The following FAM222B variants were observed in gnomAD, a reference collection of about 807,000 sequenced individuals.
FAM222B encodes protein FAM222B.
In FAM222B, 12 loss-of-function variants were observed where a neutral mutation model predicts 38.0. The ratio of observed to expected loss-of-function variants is 0.32; its 90% CI spans 0.20 to 0.51. The LOEUF (loss-of-function observed/expected upper bound fraction) is 0.51, where lower values mean the gene tolerates loss of function less well. Ranked by LOEUF, FAM222B falls within the 20% of genes least tolerant of loss-of-function variation. The pLI is 0.97. For missense variants in FAM222B, 716 were observed against 754.2 expected, an observed-to-expected ratio of 0.95 and a Z score of 0.59; for synonymous variants, 329 against 317.2, an observed-to-expected ratio of 1.04 and a Z score of -0.40.
chr17:28,782,214 C>T (rs1447444470), intron 1 of FAM222B, among the ~76,000 whole-genome samples: 1 of 151,994 alleles, frequency 6.6e-6, no homozygotes, highest in Non-Finnish European at 1.5e-5. Context: ...CCCAGCTGCT[C>T]GGGAGGCTAA....
At chr17:28,793,432 C>T (rs2036793161) in intron 1 of FAM222B, among the ~76,000 whole-genome samples, 1 of 152,198 alleles carries the variant, frequency 6.6e-6, no homozygotes, top group Non-Finnish European at 1.5e-5. Context: ...TCTCCAACTT[C>T]CTGAAAAGTA....
rs370675163 is a variant in FAM222B, at chr17:28,759,170, C to T, written c.789G>A (p.Pro263=). 5 of 1,612,706 alleles carry T rather than the reference C, an allele frequency of 3.1e-6. No individual in the cohort carries two copies. Among genetic ancestry groups the T allele is most frequent in the East Asian group, 2.2e-5 (1 of 44,834 alleles). Residue 263 remains proline, a synonymous_variant, in exon 3 of 3, where the codon CCG becomes CCA. Coordinates refer to ENST00000581407, the MANE Select transcript of FAM222B (RefSeq NM_001077498.3). This position sits in a 1 kb window ranked among gnomAD's most constrained non-coding sequence, Gnocchi z 4.8. ...TCTGGTGCACGATGCTACTCAGGTC[C>T]GGAGGCTGGCTGTGCTGCAGAGTGG... ...MAATLQHSQP[P]DLSSIVHQIN... is the part of the protein sequence containing the mutation.
At chr17:28,764,344 A>AGGC (rs1444782084) in intron 2 of FAM222B, among the ~76,000 whole-genome samples, 1 of 150,734 alleles carries the variant, frequency 6.6e-6, no homozygotes, top group East Asian at 1.9e-4. Context: ...CAGGAGACTG[A>AGGC]GGCGGGAGAA....
chr17:28,841,833 G>A (rs1011635660), intron 1 of FAM222B, among the ~76,000 whole-genome samples: 3 of 152,180 alleles, frequency 2.0e-5, no homozygotes, highest in Admixed American at 1.3e-4. Flanking sequence ...TTTTCCTACA[G>A]AAGTCTGATG....
In FAM222B at chr17:28,758,123, C is replaced by T. The variant is rs927612567; in HGVS notation, c.*147G>A. ...AGGACGAGAGGACCCCTTCTGTCCC[C>T]ACTTAGATCCCACCAAATTCCCTTT... is the stretch of plus-strand genomic sequence containing the variant. On this transcript the variant is annotated 3_prime_UTR_variant, in exon 3 of 3. Transcript: ENST00000581407. 7 of 744,150 alleles carry T rather than the reference C, an allele frequency of 9.4e-6. No homozygotes were observed. Among genetic ancestry groups the T allele is most frequent in the Non-Finnish European group, 1.5e-5 (7 of 473,984 alleles). 46.1% of individuals were successfully genotyped at this position (744,150 alleles called of 1,614,324 possible).
intron 1 of FAM222B, chr17:28,849,072 TAACATGGTG>T (rs1329281953): frequency 1.3e-5 from 2 of 151,960 alleles, no homozygotes; most frequent in Non-Finnish European, 2.9e-5. Flanking sequence ...CCATCCTGGC[TAACATGGTG>T]AAATCTCGTC....
At chr17:28,783,838 G>T (rs1341273529) in intron 1 of FAM222B, among the ~76,000 whole-genome samples, 2 of 151,620 alleles carry the variant, frequency 1.3e-5, no homozygotes, top group Non-Finnish European at 2.9e-5. Context: ...TCACTCTCTT[G>T]CCCTGGCTGT....
intron 1 of FAM222B, among the ~76,000 whole-genome samples, chr17:28,822,593 T>G (rs911538836): frequency 6.7e-6 from 1 of 149,240 alleles, no homozygotes; most frequent in Non-Finnish European, 1.5e-5. Flanking sequence ...ACCATTGCAC[T>G]CCAGCCTGGG....
intron 1 of FAM222B, among the ~76,000 whole-genome samples, chr17:28,821,790 C>T (rs1156567534): frequency 6.6e-6 from 1 of 151,748 alleles, no homozygotes; most frequent in Non-Finnish European, 1.5e-5. Context: ...GGTGAAACCC[C>T]ATCTCTACTA....
intron 1 of FAM222B, among the ~76,000 whole-genome samples, chr17:28,837,133 A>G (rs2038870730): frequency 6.6e-6 from 1 of 151,538 alleles, no homozygotes; most frequent in Admixed American, 6.6e-5. Context: ...TAAATAAATA[A>G]ATACATAAAT....
intron 1 of FAM222B, among the ~76,000 whole-genome samples, chr17:28,827,219 C>T (rs754070044): frequency 2.6e-5 from 4 of 151,876 alleles, no homozygotes; most frequent in African/African-American, 9.7e-5. Flanking sequence ...TTAACTTGCA[C>T]GCTGGCTTGC....
chr17:28,760,739 A>G (rs1214395792), intron 2 of FAM222B, among the ~76,000 whole-genome samples: 1 of 152,200 alleles, frequency 6.6e-6, no homozygotes, highest in Non-Finnish European at 1.5e-5. Flanking sequence ...GCAGGGACCA[A>G]TGAGGGATCA....
At chr17:28,772,515 G>C (rs2151807398) in intron 1 of FAM222B, among the ~76,000 whole-genome samples, 2 of 138,986 alleles carry the variant, frequency 1.4e-5, no homozygotes. Flanking sequence ...ACGAGGTCAA[G>C]AGATCGAGAC....
intron 1 of FAM222B, among the ~76,000 whole-genome samples, chr17:28,853,231 C>T (rs549542443): frequency 3.3e-5 from 5 of 149,998 alleles, no homozygotes; most frequent in South Asian, 2.1e-4. Flanking sequence ...GGCATGGCAG[C>T]GGCAGGTCTG....
Position 28,766,612 on chromosome 17 carries a change from G to T in FAM222B, c.56C>A (p.Thr19Lys). The T allele has an allele frequency of 1.9e-6, 3 of 1,605,174 alleles. No homozygotes were observed. Among genetic ancestry groups the T allele is most frequent in the Non-Finnish European group, 2.6e-6 (3 of 1,175,720 alleles). ...GDLSFQLLSHTQMNTGLQKWD... is the reference protein window; with the variant it reads ...GDLSFQLLSHKQMNTGLQKWD... ...TTTCTGAAGTCCAGTGTTCATCTGC[G>T]TGTGAGAAAGAAGCTGAAAGGACAG... The change falls in exon 2 of 3, where the codon ACG (threonine) becomes AAG (lysine). Residue 19 changes from threonine (T) to lysine (K), a missense_variant. Transcript: ENST00000581407.
Position 28,759,552 on chromosome 17 carries a change from T to C in FAM222B, c.407A>G (p.Tyr136Cys), listed in dbSNP as rs771335348. ...EAIMNPPVAP[Y>C]ATVAPSTLAH... ...TAAAGTGCTGGGTGCCACAGTAGCA[T>C]AGGGTGCCACTGGGGGGTTCATGAT... The change falls in exon 3 of 3, where the codon TAT (tyrosine) becomes TGT (cysteine). Residue 136 changes from tyrosine to cysteine, a missense_variant. Tyr to Cys is a radical substitution (Grantham distance 194). Coordinates refer to ENST00000581407, the MANE Select transcript of FAM222B (RefSeq NM_001077498.3). This position sits in a 1 kb window ranked among gnomAD's most constrained non-coding sequence, Gnocchi z 4.8. The C allele has an allele frequency of 2.5e-6, 4 of 1,606,866 alleles. No individual in the cohort carries two copies. Among genetic ancestry groups the C allele is most frequent in the African/African-American group, 1.3e-5 (1 of 74,800 alleles).
rs1414959348 is a variant in FAM222B, at chr17:28,774,980, C to A, written c.-40-8273G>T. Reference sequence around the variant, plus strand: ...TAAATAAATAAATAAATAAATAAAACAAACAAAAAAAATCTCAGCTGTATT... The same window carrying A: ...TAAATAAATAAATAAATAAATAAAAAAAACAAAAAAAATCTCAGCTGTATT... On this transcript the variant is annotated intron_variant, in intron 1 of 2. Coordinates refer to ENST00000581407, the MANE Select transcript of FAM222B (RefSeq NM_001077498.3). Among the ~76,000 whole-genome samples, 247 of 142,424 alleles carry A rather than the reference C, an allele frequency of 1.7e-3. 1 individual carries two copies. Among genetic ancestry groups the A allele is most frequent in the East Asian group, 5.4e-3 (26 of 4,810 alleles). The allele number at this position is 142,424 out of a possible 152,430, so 93.4% of individuals were successfully genotyped here. A position where few individuals can be genotyped will look rare whatever the true frequency, so the allele number is the denominator to read the frequency against.
At chr17:28,812,088 A>G (rs1816018198) in intron 1 of FAM222B, 1 of 152,268 alleles carries the variant, frequency 6.6e-6, no homozygotes. Context: ...TGAAGGGTAG[A>G]AACAGATAAT....
intron 2 of FAM222B, among the ~76,000 whole-genome samples, chr17:28,760,534 C>T (rs565468322): frequency 3.9e-5 from 6 of 151,906 alleles, no homozygotes; most frequent in South Asian, 2.1e-4. Context: ...GAGCCGACAT[C>T]GCACCACTGC....
Sources: gnomAD v4.1 joint callset for allele counts (sites outside exome capture counted in the v4.1 genomes callset) on GRCh38, gnomAD v4.1.1 for gene constraint, Gnocchi (gnomAD v3.1) non-coding constraint, MANE v1.5 for transcripts, NCBI Gene and HGNC (gene_info 2026-07-23, HGNC 2026-07-21) for gene names.